Variants in SEMA4D observed in about 807,000 individuals in gnomAD.
The protein encoded by SEMA4D is semaphorin-4D.
SEMA4D carries 22 observed loss-of-function variants against 74.8 expected under a neutral mutation model. The observed-to-expected ratio is 0.29, with a 90% confidence interval of 0.21 to 0.42. The LOEUF (loss-of-function observed/expected upper bound fraction) is 0.42, where lower values mean the gene tolerates loss of function less well. Ranked by LOEUF, SEMA4D falls within the 10% of genes least tolerant of loss-of-function variation. The pLI, the probability that SEMA4D is intolerant of heterozygous loss-of-function variation, is 1.00. For synonymous variants in SEMA4D, 445 were observed against 463.7 expected, an observed-to-expected ratio of 0.96 and a Z score of 0.52; for missense variants, 937 against 1,118.4, an observed-to-expected ratio of 0.84 and a Z score of 2.31.
chr9:89,484,980 G>A lies in SEMA4D; in HGVS notation c.-310+12939C>T, dbSNP rs963276698. ...GGGTGGGTGGTGGAGGCATATGTGT[G>A]TAGTATGTTGTGTGTGTGTGTGTGT... On this transcript the variant is annotated intron_variant, in intron 1 of 15. Transcript: ENST00000422704. The surrounding 1 kb of genome is among the most constrained non-coding windows in gnomAD (Gnocchi z 4.1). 7.6e-6 allele frequency among the ~76,000 whole-genome samples: 1 copy of A among 131,654 alleles called. No individual in the cohort carries two copies. Among genetic ancestry groups the A allele is most frequent in the Non-Finnish European group, 1.8e-5 (1 of 56,500 alleles). 86.4% of individuals were successfully genotyped at this position (131,654 alleles called of 152,430 possible).
At chr9:89,363,777 T>C (rs1331625192) in exon 17 of SEMA4D, 1 of 1,613,806 alleles carries the variant, frequency 6.2e-7, no homozygotes, top group Middle Eastern at 1.6e-4. Context: ...TTCGAAGTCT[T>C]GTTCCCTGCT....
intron 1 of SEMA4D, among the ~76,000 whole-genome samples, chr9:89,461,207 G>C (rs962246226): frequency 6.6e-6 from 1 of 152,186 alleles, no homozygotes; most frequent in African/African-American, 2.4e-5. Flanking sequence ...GCTTAAGGTG[G>C]TGTGGAAGTG....
chr9:89,380,534 C>G (rs1190660442), intron 15 of SEMA4D, among the ~76,000 whole-genome samples: 1 of 152,218 alleles, frequency 6.6e-6, no homozygotes, highest in Non-Finnish European at 1.5e-5. Context: ...GCTGTCTTGT[C>G]AGGGTCAGGA....
At chr9:89,496,004 C>T (rs909145617) in intron 1 of SEMA4D, among the ~76,000 whole-genome samples, 12 of 152,184 alleles carry the variant, frequency 7.9e-5, no homozygotes, top group African/African-American at 2.9e-4. Flanking sequence ...CCTAGACACA[C>T]CCGCTTGGTG....
chr9:89,395,661 C>A (rs111688523), intron 6 of SEMA4D, among the ~76,000 whole-genome samples: 1 of 152,014 alleles, frequency 6.6e-6, no homozygotes. Context: ...GTCTTACTAT[C>A]CCCAAAGCAC....
intron 1 of SEMA4D, among the ~76,000 whole-genome samples, chr9:89,491,768 C>T (rs1271978489): frequency 6.6e-6 from 1 of 152,174 alleles, no homozygotes. Flanking sequence ...AAATGCAGGC[C>T]ATCCCTGCCC....
intron 1 of SEMA4D, among the ~76,000 whole-genome samples, chr9:89,486,665 G>A (rs1488974434): frequency 6.6e-6 from 1 of 152,232 alleles, no homozygotes; most frequent in African/African-American, 2.4e-5. Context: ...CAGCACTTCA[G>A]AAGGCCAAAG....
intron 1 of SEMA4D, among the ~76,000 whole-genome samples, chr9:89,485,788 CAAAAAAAAAAAAAA>C (rs56056536): frequency 1.3e-5 from 1 of 76,846 alleles, no homozygotes; most frequent in Non-Finnish European, 2.4e-5. Flanking sequence ...AACTCCATCT[CAAAAAAAAAAAAAA>C]AAAAAAAAAA....
chr9:89,363,058 G>T (rs552969122), intron 18 of SEMA4D, among the ~76,000 whole-genome samples: 2 of 152,320 alleles, frequency 1.3e-5, no homozygotes, highest in Admixed American at 1.3e-4. Flanking sequence ...CTACCTGGAG[G>T]GTTCCCCATC....
chr9:89,455,384 G>A (rs1855690221), intron 2 of SEMA4D, among the ~76,000 whole-genome samples: 1 of 152,220 alleles, frequency 6.6e-6, no homozygotes, highest in Admixed American at 6.5e-5. Flanking sequence ...ACGGGGCATG[G>A]GGGGTGTGAG....
In SEMA4D at chr9:89,435,986, G is replaced by A. The variant is rs374685977; in HGVS notation, c.-244+19902C>T. Among the ~76,000 whole-genome samples, 136 of 152,218 alleles carry A rather than the reference G, an allele frequency of 8.9e-4. 1 individual carries two copies. The South Asian group carries it at 0.022, about 24-fold the overall frequency. On this transcript the variant is annotated intron_variant, in intron 2 of 15. Transcript: ENST00000422704. ...TAGCCTAGGCCAAGGAAGCGCCCCC[G>A]CTGCCCCCCACCCCCAAATCACAGC...
chr9:89,495,728 CCTAGCTCCAACCCTGGAGCT>C (rs1215961012), intron 1 of SEMA4D, among the ~76,000 whole-genome samples: 16 of 152,142 alleles, frequency 1.1e-4, no homozygotes, highest in Non-Finnish European at 5.9e-5. Context: ...CCCCATGGGT[CCTAGCTCCAACCCTGGAGCT>C]CTGGCTCCAG....
intron 16 of SEMA4D, among the ~76,000 whole-genome samples, chr9:89,366,665 T>C (rs1406374468): frequency 2.0e-5 from 3 of 152,244 alleles, no homozygotes; most frequent in Non-Finnish European, 4.4e-5. Context: ...TACATCTAGG[T>C]GCCCATCAAC....
intron 2 of SEMA4D, among the ~76,000 whole-genome samples, chr9:89,448,820 C>A (rs1461613102): frequency 6.6e-6 from 1 of 152,212 alleles, no homozygotes; most frequent in Non-Finnish European, 1.5e-5. Context: ...TTTCCCAGGA[C>A]TCCAGCGTGT....
intron 2 of SEMA4D, among the ~76,000 whole-genome samples, chr9:89,435,052 G>A (rs1052314157): frequency 1.3e-5 from 2 of 152,136 alleles, no homozygotes; most frequent in African/African-American, 4.8e-5. Context: ...ACATCTGAGG[G>A]CTGAGTTGCT....
intron 7 of SEMA4D, 76 bp downstream of exon 7, chr9:89,393,486 G>A (rs1002502469): frequency 1.5e-5 from 19 of 1,246,802 alleles, no homozygotes; most frequent in Non-Finnish European, 2.2e-5. Flanking sequence ...CTTCAGAGAA[G>A]ATCCAAATAT....
intron 2 of SEMA4D, among the ~76,000 whole-genome samples, chr9:89,442,740 C>T (rs1404450442): frequency 2.6e-5 from 4 of 152,180 alleles, no homozygotes; most frequent in South Asian, 2.1e-4. Context: ...TAACTGCATC[C>T]GTCCCAGAGA....
chr9:89,483,577 A>T lies in SEMA4D; in HGVS notation c.-310+14342T>A, dbSNP rs543170310. On this transcript the variant is annotated intron_variant, in intron 1 of 15. Coordinates refer to ENST00000422704, the MANE Select transcript of SEMA4D (RefSeq NM_001371194.2). The stretch of plus-strand genomic sequence containing the variant: ...TTTTTACATTTCCATGCAGTTACAC[A>T]TAGGGCCAGATGTCACATGGGGGTC... Among the ~76,000 whole-genome samples the T allele has an allele frequency of 4.0e-4, 61 of 152,344 alleles. 1 individual carries two copies. In the South Asian group the frequency reaches 0.013, roughly 32 times the overall value.
chr9:89,401,983 C>T (rs910323704), intron 4 of SEMA4D, among the ~76,000 whole-genome samples: 2 of 151,688 alleles, frequency 1.3e-5, no homozygotes, highest in African/African-American at 2.4e-5. Context: ...GCCCGCCTCA[C>T]AGCCCTGAGA....
Sources: gnomAD v4.1 joint callset for allele counts (sites outside exome capture counted in the v4.1 genomes callset) on GRCh38, gnomAD v4.1.1 for gene constraint, Gnocchi (gnomAD v3.1) non-coding constraint, MANE v1.5 for transcripts, NCBI Gene and HGNC (gene_info 2026-07-23, HGNC 2026-07-21) for gene names.